SLC36A1: variants seen among roughly 807,000 people sequenced by gnomAD.
SLC36A1 encodes the protein proton-coupled amino acid transporter 1.
In SLC36A1, 30 loss-of-function variants were observed where a neutral mutation model predicts 47.5. That is an observed-to-expected ratio of 0.63 (90% CI 0.47 to 0.86). SLC36A1 has a LOEUF of 0.86. SLC36A1 is among the 40% of genes least tolerant of loss of function. The pLI, the probability that SLC36A1 is intolerant of heterozygous loss-of-function variation, is 0.00. For synonymous variants in SLC36A1, 255 were observed against 249.7 expected (o/e 1.02, Z -0.20); for missense variants, 517 against 606.0 (o/e 0.85, Z 1.54).
the SLC36A1 span, chr5:151,517,677 T>A: frequency 6.2e-7 from 1 of 1,613,596 alleles, no homozygotes; most frequent in Non-Finnish European, 8.5e-7. Flanking sequence ...GTGGCTGGAG[T>A]GTTTTCAGAT....
chr5:151,518,177 TAAA>T, the SLC36A1 span, among the ~76,000 whole-genome samples: 1 of 151,524 alleles, frequency 6.6e-6, no homozygotes, highest in African/African-American at 2.4e-5. Context: ...AAACATAAAA[TAAA>T]AATAAAAATA....
At chr5:151,447,557 G>C (rs1211838890), upstream of SLC36A1, 1 of 152,404 alleles carries the variant, frequency 6.6e-6, no homozygotes, top group Non-Finnish European at 1.5e-5. Context: ...CCGCTCAAGG[G>C]AGCACGTGAC....
At chr5:151,433,247 T>TATA (rs1554105169), upstream of SLC36A1, among the ~76,000 whole-genome samples, 52 of 14,438 alleles carry the variant, frequency 3.6e-3, no homozygotes, top group East Asian at 0.028. Flanking sequence ...TATATATATA[T>TATA]ATATATATAT....
At chr5:151,440,033 TTATACTACA>T in intron 1 of SLC36A1, among the ~76,000 whole-genome samples, 1 of 152,376 alleles carries the variant, frequency 6.6e-6, no homozygotes, top group Middle Eastern at 3.4e-3. Flanking sequence ...TGATGAATGC[TTATACTACA>T]GCGAAGAATT....
intron 9 of SLC36A1, 85 bp downstream of exon 9, chr5:151,476,841 A>G (rs1758126013): frequency 1.3e-6 from 2 of 1,518,908 alleles, no homozygotes; most frequent in Non-Finnish European, 1.8e-6. Context: ...CCTCTTACTT[A>G]TCTCTTAAAC....
the SLC36A1 span, chr5:151,382,124 C>T: frequency 4.6e-6 from 4 of 875,966 alleles, no homozygotes; most frequent in Non-Finnish European, 3.9e-6. Context: ...TGACAGAGCA[C>T]GACCCTTTCA....
At position 151,491,300 on chromosome 5, in the gene SLC36A1, C is replaced by T. The variant is rs976609350; in HGVS notation, c.*3046C>T. ...TGTGCTGCTGTCCAGCTGCTAAGATCCCTTCATCTGCACAAGCCCTGGCTA... is the reference window on the plus strand; with the variant it reads ...TGTGCTGCTGTCCAGCTGCTAAGATTCCTTCATCTGCACAAGCCCTGGCTA... On this transcript the variant is annotated 3_prime_UTR_variant, in exon 11 of 11. Coordinates refer to ENST00000243389, the MANE Select transcript of SLC36A1 (RefSeq NM_078483.4). 6.6e-6 allele frequency: 1 copy of T among 152,628 alleles called. No individual in the cohort carries two copies. Among genetic ancestry groups the T allele is most frequent in the African/African-American group, 2.4e-5 (1 of 41,436 alleles). 9.5% of individuals were successfully genotyped at this position (152,628 alleles called of 1,614,324 possible). A position where few individuals can be genotyped will look rare whatever the true frequency, so the allele number is the denominator to read the frequency against.
intron 1 of SLC36A1, among the ~76,000 whole-genome samples, chr5:151,458,157 T>C (rs1404294802): frequency 6.6e-6 from 1 of 151,876 alleles, no homozygotes. Context: ...CCAGAGAGGA[T>C]TTCTTGAGTG....
At position 151,458,722 on chromosome 5, in the gene SLC36A1, C is replaced by T. The variant is rs1028516682; in HGVS notation, c.-5-66C>T. 96 of 1,550,058 alleles carry T rather than the reference C, an allele frequency of 6.2e-5. 1 individual carries two copies. In the South Asian group the frequency reaches 8.4e-4, roughly 14 times the overall value. On this transcript the variant is annotated intron_variant, in intron 1 of 10. Transcript: ENST00000243389. Reference sequence around the variant, plus strand: ...ACAATGACAGCTTCTACCCCAGAGGCCACCCCAAATATGGAGCTAAAGGCT... The same window carrying T: ...ACAATGACAGCTTCTACCCCAGAGGTCACCCCAAATATGGAGCTAAAGGCT...
At chr5:151,458,329 T>TAC (rs1561738011) in intron 1 of SLC36A1, among the ~76,000 whole-genome samples, 25 of 113,020 alleles carry the variant, frequency 2.2e-4, no homozygotes, top group African/African-American at 7.0e-4. Flanking sequence ...TATATATATA[T>TAC]ATATGGGATA....
At chr5:151,454,744 G>A (rs1754236261) in intron 1 of SLC36A1, among the ~76,000 whole-genome samples, 2 of 122,936 alleles carry the variant, frequency 1.6e-5, no homozygotes, top group South Asian at 5.1e-4. Context: ...ACGGAGTCTC[G>A]CTCTGTCGCC....
At chr5:151,469,550 T>G (rs946959472) in intron 7 of SLC36A1, among the ~76,000 whole-genome samples, 25 of 152,202 alleles carry the variant, frequency 1.6e-4, no homozygotes, top group African/African-American at 6.0e-4. Flanking sequence ...AGTGAGATGT[T>G]CTTATACATT....
chr5:151,553,086 G>C, the SLC36A1 span: 1 of 1,332,340 alleles, frequency 7.5e-7, no homozygotes, highest in Non-Finnish European at 1.1e-6. Context: ...CCGACCTTGA[G>C]AAGAGTCAGA....
At chr5:151,403,488 C>G in the SLC36A1 span, among the ~76,000 whole-genome samples, 6 of 152,156 alleles carry the variant, frequency 3.9e-5, no homozygotes, top group Non-Finnish European at 8.8e-5. Flanking sequence ...CTCCCAGCAC[C>G]AAGCTTGTGC....
the SLC36A1 span, chr5:151,551,617 A>C: frequency 6.2e-7 from 1 of 1,613,728 alleles, no homozygotes; most frequent in Non-Finnish European, 8.5e-7. Flanking sequence ...CTAGAGTGGG[A>C]GTGGGGAGAA....
the SLC36A1 span, chr5:151,512,888 A>AC: frequency 2.3e-6 from 1 of 441,084 alleles, no homozygotes; most frequent in African/African-American, 2.0e-5. This position sits in a 1 kb window ranked among gnomAD's most constrained non-coding sequence, Gnocchi z 4.1. Context: ...GCTGATCAAG[A>AC]CCCTGTATTT....
the SLC36A1 span, chr5:151,506,236 T>G: frequency 2.3e-6 from 2 of 867,130 alleles, no homozygotes; most frequent in Non-Finnish European, 3.2e-6. Context: ...AGGTTGTCTC[T>G]GTTGGCTTAC....
At chr5:151,397,266 C>T in the SLC36A1 span, among the ~76,000 whole-genome samples, 2 of 152,218 alleles carry the variant, frequency 1.3e-5, no homozygotes, top group African/African-American at 4.8e-5. Context: ...GTTGTATTCA[C>T]CCCATGCATA....
At chr5:151,410,397 T>C in the SLC36A1 span, among the ~76,000 whole-genome samples, 2 of 144,414 alleles carry the variant, frequency 1.4e-5, 1 homozygote, top group East Asian at 4.6e-4. Context: ...AAATATAAAA[T>C]ATAAAGAGAG....
Sources: allele counts gnomAD v4.1 joint callset (sites outside exome capture counted in the v4.1 genomes callset), GRCh38; gene constraint gnomAD v4.1.1; non-coding constraint Gnocchi (gnomAD v3.1); transcripts MANE v1.5; gene names NCBI Gene and HGNC (gene_info 2026-07-23, HGNC 2026-07-21).